Variants in KIAA0513 observed in about 807,000 individuals in gnomAD.
The protein encoded by KIAA0513 is KIAA0513.
A neutral mutation model predicts 56.5 loss-of-function variants in KIAA0513; 39 were observed. That is an observed-to-expected ratio of 0.69 (90% CI 0.53 to 0.90). The LOEUF (loss-of-function observed/expected upper bound fraction) is 0.90, where lower values mean the gene tolerates loss of function less well. KIAA0513 is among the 40% of genes least tolerant of loss of function. The pLI is 0.00. For missense variants in KIAA0513, 591 were observed against 535.2 expected, an observed-to-expected ratio of 1.10 and a Z score of -1.03; for synonymous variants, 268 against 215.6, an observed-to-expected ratio of 1.24 and a Z score of -2.13.
intron 1 of KIAA0513, among the ~76,000 whole-genome samples, chr16:85,029,368 G>C (rs1483040069): frequency 6.6e-6 from 1 of 152,178 alleles, no homozygotes. Context: ...TGTGAAGGTT[G>C]GTTTGCATTA....
At chr16:85,048,442 G>A (rs919052670) in intron 1 of KIAA0513, among the ~76,000 whole-genome samples, 1 of 152,188 alleles carries the variant, frequency 6.6e-6, no homozygotes, top group East Asian at 1.9e-4. Flanking sequence ...CATGCTGCAC[G>A]ATTGGATCTG....
intron 1 of KIAA0513, among the ~76,000 whole-genome samples, chr16:85,031,814 C>T (rs1481836016): frequency 6.6e-6 from 1 of 152,186 alleles, no homozygotes; most frequent in Non-Finnish European, 1.5e-5. Context: ...GATCCCTGCC[C>T]ACTCACTCTA....
chr16:85,079,961 A>G (rs1241321629), intron 8 of KIAA0513, among the ~76,000 whole-genome samples: 1 of 152,148 alleles, frequency 6.6e-6, no homozygotes, highest in Non-Finnish European at 1.5e-5. Context: ...CATATTTTAG[A>G]GTGCTTTGCT....
At position 85,093,117 on chromosome 16, in the gene KIAA0513, A is replaced by G. The variant is rs1393149344; in HGVS notation, c.*4792A>G. 6.6e-6 allele frequency: 1 copy of G among 152,356 alleles called. No individual in the cohort carries two copies. Among genetic ancestry groups the G allele is most frequent in the Non-Finnish European group, 1.5e-5 (1 of 68,222 alleles). The allele number at this position is 152,356 out of a possible 1,614,324, so 9.4% of individuals were successfully genotyped here. ...GGGAGCCCTGCCTCTGGTGCTGGCA[A>G]GGGATTGGGTTTGTGTGGGTGTCTC... On this transcript the variant is annotated 3_prime_UTR_variant, in exon 13 of 13. Transcript: ENST00000683363.
intron 7 of KIAA0513, 105 bp from the exon 8 acceptor site, chr16:85,078,820 G>T: frequency 8.0e-7 from 1 of 1,243,248 alleles, no homozygotes; most frequent in Non-Finnish European, 1.2e-6. Context: ...ACGTGTTTCA[G>T]TGACATTCGG....
chr16:85,078,555 A>C, intron 7 of KIAA0513, 100 bp downstream of exon 7: 2 of 1,150,572 alleles, frequency 1.7e-6, no homozygotes, highest in Non-Finnish European at 2.5e-6. Context: ...GCCTCCACGG[A>C]GCATGGGCAC....
At chr16:85,035,590 C>T (rs1342737591) in intron 1 of KIAA0513, among the ~76,000 whole-genome samples, 2 of 152,132 alleles carry the variant, frequency 1.3e-5, no homozygotes, top group African/African-American at 4.8e-5. Context: ...TCCCGGGCTC[C>T]AGTGATCCTC....
At chr16:85,068,525 G>T (rs2073523796) in intron 2 of KIAA0513, among the ~76,000 whole-genome samples, 1 of 151,908 alleles carries the variant, frequency 6.6e-6, no homozygotes, top group Admixed American at 6.6e-5. Context: ...GTAGAGACGG[G>T]GTTTCACCAT....
At chr16:85,084,994 GCCT>G (rs2073792230) in intron 10 of KIAA0513, among the ~76,000 whole-genome samples, 2 of 152,190 alleles carry the variant, frequency 1.3e-5, no homozygotes, top group African/African-American at 4.8e-5. Flanking sequence ...AAGAAGAATC[GCCT>G]CCTCATTTGG....
intron 4 of KIAA0513, 87 bp downstream of exon 4, chr16:85,073,085 C>A: frequency 1.8e-6 from 2 of 1,100,280 alleles, no homozygotes; most frequent in South Asian, 2.5e-5. Context: ...TGTCATAACC[C>A]AGCTGTGAAC....
chr16:85,088,447 C>T lies in KIAA0513; in HGVS notation c.*122C>T, dbSNP rs553682356. The T allele has an allele frequency of 2.4e-4, 190 of 779,380 alleles. 2 individuals carry two copies. In the African/African-American group the frequency reaches 2.8e-3, roughly 12 times the overall value. The allele number at this position is 779,380 out of a possible 1,614,324, so 48.3% of individuals were successfully genotyped here. On this transcript the variant is annotated 3_prime_UTR_variant, in exon 13 of 13. Transcript: ENST00000683363. ...CCAGCAGCACCCAGAGCCACTCCTG[C>T]TGCCCTAGAACTAGCGGTTAGAAGA...
At chr16:85,085,488 A>C (rs1173684441) in intron 10 of KIAA0513, among the ~76,000 whole-genome samples, 1 of 152,126 alleles carries the variant, frequency 6.6e-6, no homozygotes, top group Non-Finnish European at 1.5e-5. Context: ...TCTTCCTCTC[A>C]ACCTTATTTT....
chr16:85,080,910 C>G (rs2073734003), intron 8 of KIAA0513, among the ~76,000 whole-genome samples: 1 of 152,190 alleles, frequency 6.6e-6, no homozygotes, highest in African/African-American at 2.4e-5. Context: ...GTTACTAGAC[C>G]CTGATGTAGA....
At chr16:85,055,499 A>G (rs1242360766) in intron 1 of KIAA0513, among the ~76,000 whole-genome samples, 1 of 152,234 alleles carries the variant, frequency 6.6e-6, no homozygotes, top group Non-Finnish European at 1.5e-5. Context: ...AACTCAGTGT[A>G]CTGTTCTACA....
intron 1 of KIAA0513, among the ~76,000 whole-genome samples, chr16:85,052,547 C>T (rs1356976034): frequency 2.0e-5 from 3 of 152,148 alleles, no homozygotes; most frequent in Non-Finnish European, 2.9e-5. Flanking sequence ...ATCAATCAAT[C>T]GATGCATCCT....
In KIAA0513 at chr16:85,081,216, G is replaced by T; in HGVS notation, c.903-99G>T. The T allele has an allele frequency of 9.5e-7, 1 of 1,049,260 alleles. No individual in the cohort carries two copies. The highest frequency in any genetic ancestry group is 1.7e-5 in the Admixed American group (1 of 58,666). 65.0% of individuals were successfully genotyped at this position (1,049,260 alleles called of 1,614,324 possible). A position where few individuals can be genotyped will look rare whatever the true frequency, so the allele number is the denominator to read the frequency against. Reference sequence around the variant, plus strand: ...CTGAGACTTCTTAGAAGCTCAGACAGATGTGAGACACTGCCCTTGTTTATC... The same window carrying T: ...CTGAGACTTCTTAGAAGCTCAGACATATGTGAGACACTGCCCTTGTTTATC... On this transcript the variant is annotated intron_variant, in intron 8 of 12. Coordinates refer to ENST00000683363, the MANE Select transcript of KIAA0513 (RefSeq NM_001388359.1). This position sits in a 1 kb window ranked among gnomAD's most constrained non-coding sequence, Gnocchi z 4.4.
intron 1 of KIAA0513, among the ~76,000 whole-genome samples, chr16:85,032,427 A>C (rs562478400): frequency 1.3e-4 from 20 of 152,258 alleles, no homozygotes; most frequent in Non-Finnish European, 2.5e-4. Flanking sequence ...CTGCCTCCCA[A>C]GTTAAAGCCA....
intron 1 of KIAA0513, among the ~76,000 whole-genome samples, chr16:85,032,113 C>T (rs1384321330): frequency 1.3e-5 from 2 of 152,220 alleles, no homozygotes; most frequent in African/African-American, 4.8e-5. Context: ...CTTGGGGACT[C>T]AGAGGGAGAC....
At chr16:85,078,288 A>G (rs2073688456) in intron 6 of KIAA0513, 127 bp from the exon 7 acceptor site, 2 of 924,552 alleles carry the variant, frequency 2.2e-6, no homozygotes, top group Middle Eastern at 2.2e-4. Flanking sequence ...TGATTTCATA[A>G]AAGGCTTTTC....
Sources: allele counts gnomAD v4.1 joint callset (sites outside exome capture counted in the v4.1 genomes callset), GRCh38; gene constraint gnomAD v4.1.1; non-coding constraint Gnocchi (gnomAD v3.1); transcripts MANE v1.5; gene names NCBI Gene and HGNC (gene_info 2026-07-23, HGNC 2026-07-21).